The following CTNND2 variants were observed in gnomAD, a reference collection of about 807,000 sequenced individuals.
CTNND2 encodes catenin delta-2.
Under a neutral mutation model 144.4 loss-of-function variants are expected in CTNND2, and 22 were observed. The ratio of observed to expected loss-of-function variants is 0.15; its 90% CI spans 0.11 to 0.22. CTNND2 has a LOEUF of 0.22. CTNND2 is among the 10% of genes least tolerant of loss of function. The pLI is 1.00. For synonymous variants in CTNND2, 751 were observed against 695.6 expected, an observed-to-expected ratio of 1.08 and a Z score of -1.25; for missense variants, 1,353 against 1,618.8, an observed-to-expected ratio of 0.84 and a Z score of 2.82.
intron 16 of CTNND2, among the ~76,000 whole-genome samples, chr5:11,075,404 C>T (rs1748837930): frequency 6.6e-6 from 1 of 152,220 alleles, no homozygotes; most frequent in Admixed American, 6.5e-5. Flanking sequence ...AAGATTCTTA[C>T]ACAGCCTCCC....
intron 1 of CTNND2, among the ~76,000 whole-genome samples, chr5:11,876,083 C>T (rs1422505139): frequency 6.6e-6 from 1 of 152,128 alleles, no homozygotes; most frequent in Non-Finnish European, 1.5e-5. Context: ...GATCTTCAAC[C>T]TGGTGCTATT....
At chr5:11,039,487 A>C (rs1744458064) in intron 16 of CTNND2, among the ~76,000 whole-genome samples, 2 of 152,140 alleles carry the variant, frequency 1.3e-5, no homozygotes. Flanking sequence ...CCAGAAAGGG[A>C]CCTGTTCATC....
At chr5:11,884,308 A>C (rs1457906055) in intron 1 of CTNND2, among the ~76,000 whole-genome samples, 1 of 152,094 alleles carries the variant, frequency 6.6e-6, no homozygotes, top group East Asian at 1.9e-4. Flanking sequence ...TTATGGTTTT[A>C]GGTCCTACGT....
At chr5:11,543,410 G>C (rs1055962007) in intron 3 of CTNND2, among the ~76,000 whole-genome samples, 1 of 152,192 alleles carries the variant, frequency 6.6e-6, no homozygotes, top group Non-Finnish European at 1.5e-5. Context: ...ATAAAAAGCA[G>C]TCTGATGTAG....
intron 2 of CTNND2, among the ~76,000 whole-genome samples, chr5:11,702,474 A>G (rs1339829401): frequency 1.3e-5 from 2 of 152,156 alleles, no homozygotes; most frequent in Non-Finnish European, 2.9e-5. Flanking sequence ...AAGATGCCCC[A>G]TGTTCATATT....
chr5:11,781,163 TTA>T, intron 1 of CTNND2, among the ~76,000 whole-genome samples: 1 of 152,050 alleles, frequency 6.6e-6, no homozygotes, highest in African/African-American at 2.4e-5. Flanking sequence ...TTGGCAAATA[TTA>T]TCTCACCCCG....
In CTNND2 at chr5:11,107,983, C is replaced by T. The variant is rs61754614; in HGVS notation, c.2463+2875G>A. ...AGAAGTCACAGACCGAAATAAGACC[C>T]ACAGAGTCCTTTGCCCCAGAAAATT... On this transcript the variant is annotated intron_variant, in intron 14 of 21. Transcript: ENST00000304623. Among the ~76,000 whole-genome samples the T allele has an allele frequency of 0.016, 2,420 of 152,280 alleles. 153 individuals carry two copies. The East Asian group carries it at 0.22, about 14-fold the overall frequency.
chr5:11,151,856 T>A (rs1052593894), intron 12 of CTNND2, among the ~76,000 whole-genome samples: 1 of 152,186 alleles, frequency 6.6e-6, no homozygotes, highest in Non-Finnish European at 1.5e-5. Context: ...GAAGAAATTA[T>A]CCCCAATACT....
chr5:11,118,102 T>A (rs988454280), intron 12 of CTNND2, among the ~76,000 whole-genome samples: 1 of 152,228 alleles, frequency 6.6e-6, no homozygotes, highest in Non-Finnish European at 1.5e-5. Flanking sequence ...ATACCTCTTA[T>A]GAGAAGGGGC....
At chr5:11,613,679 A>T (rs1194539061) in intron 2 of CTNND2, among the ~76,000 whole-genome samples, 1 of 152,232 alleles carries the variant, frequency 6.6e-6, no homozygotes, top group South Asian at 2.1e-4. Context: ...CCATGGAATT[A>T]GAGCCTGTTG....
intron 11 of CTNND2, among the ~76,000 whole-genome samples, chr5:11,189,050 G>A (rs970907306): frequency 6.6e-6 from 1 of 152,104 alleles, no homozygotes; most frequent in African/African-American, 2.4e-5. Context: ...GCAGGTCTAC[G>A]AGTTCCAGCT....
intron 1 of CTNND2, among the ~76,000 whole-genome samples, chr5:11,883,071 T>C (rs910778733): frequency 6.6e-6 from 1 of 152,198 alleles, no homozygotes; most frequent in African/African-American, 2.4e-5. Context: ...TGGTAGCTAT[T>C]GCAAATGGGA....
At chr5:11,550,053 G>A (rs1775626155) in intron 3 of CTNND2, among the ~76,000 whole-genome samples, 1 of 152,142 alleles carries the variant, frequency 6.6e-6, no homozygotes, top group South Asian at 2.1e-4. Flanking sequence ...AGAAGAGAAA[G>A]AGCCCACATG....
intron 9 of CTNND2, among the ~76,000 whole-genome samples, chr5:11,255,780 AACTC>A (rs748343648): frequency 3.9e-5 from 6 of 152,138 alleles, no homozygotes; most frequent in Non-Finnish European, 8.8e-5. Context: ...GAGAGCTGGA[AACTC>A]ACTTTCCATA....
chr5:11,695,543 C>G (rs545411784), intron 2 of CTNND2, among the ~76,000 whole-genome samples: 2 of 152,262 alleles, frequency 1.3e-5, no homozygotes, highest in South Asian at 4.1e-4. Context: ...GAGATGTTTT[C>G]CTATTTGTGT....
chr5:11,487,133 G>C (rs1367259532), intron 3 of CTNND2, among the ~76,000 whole-genome samples: 1 of 152,082 alleles, frequency 6.6e-6, no homozygotes, highest in Non-Finnish European at 1.5e-5. Context: ...ACACTGACTA[G>C]AAGATATAAA....
At chr5:11,774,633 TCA>T (rs1790151344) in intron 1 of CTNND2, among the ~76,000 whole-genome samples, 1 of 152,018 alleles carries the variant, frequency 6.6e-6, no homozygotes, top group South Asian at 2.1e-4. Flanking sequence ...TACCAGATAG[TCA>T]CATTTTCGCT....
intron 1 of CTNND2, among the ~76,000 whole-genome samples, chr5:11,760,312 A>C (rs530012479): frequency 6.6e-6 from 1 of 152,030 alleles, no homozygotes; most frequent in Non-Finnish European, 1.5e-5. Context: ...GTGGTCATCT[A>C]TCTACTCCAC....
rs114743061 is a variant in CTNND2 at position 11,752,152 on chromosome 5, G to T, written c.38-19880C>A. On this transcript the variant is annotated intron_variant, in intron 1 of 21. Coordinates refer to ENST00000304623, the MANE Select transcript of CTNND2 (RefSeq NM_001332.4). The stretch of plus-strand genomic sequence containing the variant: ...ACAAATATCTTCTCCCATTCTGTAC[G>T]CCGTCTGTTTACTCTATTTTATTTT... 4.8e-3 allele frequency among the ~76,000 whole-genome samples: 736 copies of T among 151,806 alleles called. 9 individuals are homozygous for T. The highest frequency in any genetic ancestry group is 0.017 in the African/African-American group (718 of 41,464).
Sources: gnomAD v4.1 joint callset for allele counts (sites outside exome capture counted in the v4.1 genomes callset) on GRCh38, gnomAD v4.1.1 for gene constraint, MANE v1.5 for transcripts, NCBI Gene and HGNC (gene_info 2026-07-23, HGNC 2026-07-21) for gene names.